The following MYO3B variants were observed in gnomAD, a reference collection of about 807,000 sequenced individuals.
MYO3B encodes myosin-IIIb.
Under a neutral mutation model 174.6 loss-of-function variants are expected in MYO3B, and 156 were observed. The ratio of observed to expected loss-of-function variants is 0.89; its 90% confidence interval spans 0.78 to 1.02. The LOEUF (loss-of-function observed/expected upper bound fraction) is 1.02, where lower values mean the gene tolerates loss of function less well. Ranked by LOEUF, MYO3B falls within the 50% of genes least tolerant of loss-of-function variation. The pLI is 0.00. For missense variants in MYO3B, 1,632 were observed against 1,639.4 expected (o/e 1.00, Z 0.08); for synonymous variants, 563 against 569.1 (o/e 0.99, Z 0.15).
chr2:170,530,369 G>A (rs371538399), intron 30 of MYO3B, among the ~76,000 whole-genome samples: 6 of 152,188 alleles, frequency 3.9e-5, no homozygotes, highest in African/African-American at 1.4e-4. Flanking sequence ...AGACCCTCCC[G>A]GGAGAGCTCT....
At chr2:170,440,826 C>T (rs531399344) in intron 22 of MYO3B, among the ~76,000 whole-genome samples, 20 of 107,892 alleles carry the variant, frequency 1.9e-4, no homozygotes, top group Admixed American at 5.8e-4. Context: ...TTTTTTGAGA[C>T]GGAGTCTCGC....
intron 16 of MYO3B, 43 bp downstream of exon 16, chr2:170,392,538 A>C (rs941477500): frequency 1.6e-6 from 2 of 1,252,710 alleles, no homozygotes; most frequent in Non-Finnish European, 1.1e-6. Flanking sequence ...CAATATTCTT[A>C]TATGAATGTG....
chr2:170,521,271 G>A (rs1688652853), intron 30 of MYO3B, among the ~76,000 whole-genome samples: 1 of 152,024 alleles, frequency 6.6e-6, no homozygotes, highest in African/African-American at 2.4e-5. Flanking sequence ...TCATTTAAGG[G>A]CACTTTAGGA....
chr2:170,348,905 A>C (rs13008840), intron 8 of MYO3B, among the ~76,000 whole-genome samples: 80,177 of 151,992 alleles, frequency 0.53, 22,529 homozygotes, highest in East Asian at 0.7. Flanking sequence ...TATAGGGGCC[A>C]AGTGTTTCTG....
chr2:170,231,160 C>A (rs2093011679), intron 6 of MYO3B, among the ~76,000 whole-genome samples: 1 of 152,282 alleles, frequency 6.6e-6, no homozygotes, highest in East Asian at 1.9e-4. Flanking sequence ...CATAGATTCC[C>A]GCAGGAGAGG....
chr2:170,254,420 T>G (rs1044190444), intron 7 of MYO3B, among the ~76,000 whole-genome samples: 1 of 151,854 alleles, frequency 6.6e-6, no homozygotes, highest in Admixed American at 6.6e-5. Flanking sequence ...GAGCTGCCTT[T>G]CCTGCGGGAC....
At chr2:170,624,988 T>C (rs1020143460) in intron 32 of MYO3B, among the ~76,000 whole-genome samples, 4 of 152,198 alleles carry the variant, frequency 2.6e-5, no homozygotes, top group Admixed American at 6.5e-5. Flanking sequence ...TTGAGGATTT[T>C]TGCATCGATG....
At chr2:170,459,427 C>A (rs2105947161) in intron 23 of MYO3B, among the ~76,000 whole-genome samples, 1 of 152,324 alleles carries the variant, frequency 6.6e-6, no homozygotes, top group Non-Finnish European at 1.5e-5. Flanking sequence ...CAAGTCCCCA[C>A]TAGATTAGCT....
rs115163035 is a variant in MYO3B at position 170,650,397 on chromosome 2, T to C, written c.3734-1231T>C. Among the ~76,000 whole-genome samples the C allele has an allele frequency of 4.1e-3, 624 of 152,302 alleles. 9 individuals carry two copies. The highest frequency in any genetic ancestry group is 0.014 in the African/African-American group (585 of 41,568). On this transcript the variant is annotated intron_variant, in intron 32 of 34. Coordinates refer to ENST00000408978, the MANE Select transcript of MYO3B (RefSeq NM_138995.5). ...TTTAAAAATTCCCCCAGAATTTTTT[T>C]AAATCGTGGAAATCTCTGGTGAAGT... is the stretch of plus-strand genomic sequence containing the variant.
chr2:170,564,093 A>G (rs193271286), intron 32 of MYO3B, among the ~76,000 whole-genome samples: 1 of 152,318 alleles, frequency 6.6e-6, no homozygotes, highest in African/African-American at 2.4e-5. Flanking sequence ...AAATCATGTG[A>G]ATGATCAGAT....
At chr2:170,422,357 T>C (rs1432895768) in intron 22 of MYO3B, among the ~76,000 whole-genome samples, 1 of 152,134 alleles carries the variant, frequency 6.6e-6, no homozygotes, top group East Asian at 1.9e-4. Flanking sequence ...CATGAGCCAC[T>C]GCACCTGCCT....
intron 1 of MYO3B, among the ~76,000 whole-genome samples, chr2:170,186,563 G>A (rs1028394520): frequency 2.0e-5 from 3 of 152,118 alleles, no homozygotes; most frequent in African/African-American, 4.8e-5. Flanking sequence ...CATTCATCAG[G>A]AATATTAGCC....
intron 32 of MYO3B, among the ~76,000 whole-genome samples, chr2:170,557,891 T>C (rs1036142886): frequency 2.6e-5 from 4 of 152,178 alleles, no homozygotes; most frequent in African/African-American, 9.7e-5. Context: ...ATGTGAGAGA[T>C]ACAAGATCAA....
chr2:170,605,930 C>T lies in MYO3B; in HGVS notation c.3734-45698C>T, dbSNP rs114195344. 1.9e-3 allele frequency among the ~76,000 whole-genome samples: 288 copies of T among 152,186 alleles called. 1 individual carries two copies. Among genetic ancestry groups the T allele is most frequent in the African/African-American group, 6.7e-3 (277 of 41,528 alleles). The stretch of plus-strand genomic sequence containing the variant: ...AAGTCTGGAAGCCATTCTTGCTGGT[C>T]TCCTTTCCCTCATTTTCCACATCCA... On this transcript the variant is annotated intron_variant, in intron 32 of 34. Transcript: ENST00000408978.
chr2:170,266,894 A>G (rs916538464), intron 7 of MYO3B, among the ~76,000 whole-genome samples: 2 of 152,240 alleles, frequency 1.3e-5, no homozygotes, highest in African/African-American at 4.8e-5. Context: ...CCAGAAGGGA[A>G]ACTGGTATAT....
chr2:170,211,922 G>A (rs1204291505), intron 3 of MYO3B, among the ~76,000 whole-genome samples: 1 of 148,890 alleles, frequency 6.7e-6, no homozygotes, highest in Admixed American at 6.7e-5. Flanking sequence ...TTGGGGTCCT[G>A]GCCTGGTAAA....
intron 7 of MYO3B, among the ~76,000 whole-genome samples, chr2:170,320,606 G>A (rs966825860): frequency 1.3e-5 from 2 of 151,900 alleles, no homozygotes; most frequent in Non-Finnish European, 2.9e-5. Context: ...TTGAGATATC[G>A]ATTGGTATAC....
intron 25 of MYO3B, among the ~76,000 whole-genome samples, chr2:170,473,139 C>CTTTTTTTTTTTTTTTT (rs66837903): frequency 3.9e-4 from 38 of 96,444 alleles, no homozygotes; most frequent in Non-Finnish European, 4.5e-4. Context: ...TTTTTCTTTT[C>CTTTTTTTTTTTTTTTT]TTTTTTTTTT....
At chr2:170,584,922 G>T (rs1167918074) in intron 32 of MYO3B, among the ~76,000 whole-genome samples, 1 of 152,242 alleles carries the variant, frequency 6.6e-6, no homozygotes, top group African/African-American at 2.4e-5. Context: ...CAGCTGAACT[G>T]AGAACCTTTC....
Sources: gnomAD v4.1 joint callset for allele counts (sites outside exome capture counted in the v4.1 genomes callset) on GRCh38, gnomAD v4.1.1 for gene constraint, MANE v1.5 for transcripts, NCBI Gene and HGNC (gene_info 2026-07-23, HGNC 2026-07-21) for gene names.